PRELID2: variants seen among roughly 807,000 people sequenced by gnomAD.
PRELID2 encodes the protein PRELI domain-containing protein 2.
PRELID2 carries 25 observed loss-of-function variants against 28.4 expected under a neutral mutation model. The observed-to-expected ratio is 0.88, with a 90% CI of 0.64 to 1.23. The LOEUF (loss-of-function observed/expected upper bound fraction) is 1.23, where lower values mean the gene tolerates loss of function less well. PRELID2 is among the 50% of genes most tolerant of loss of function. PRELID2 has a pLI of 0.00. For synonymous variants in PRELID2, 76 were observed against 71.6 expected (o/e 1.06, Z -0.31); for missense variants, 201 against 214.4 (o/e 0.94, Z 0.39).
At chr5:145,410,521 GA>G in the PRELID2 span, among the ~76,000 whole-genome samples, 1 of 152,140 alleles carries the variant, frequency 6.6e-6, no homozygotes, top group Admixed American at 6.5e-5. Flanking sequence ...GAGACCTCAG[GA>G]AACTTACAAT....
chr5:145,751,688 G>T (rs1757127392), downstream of PRELID2, among the ~76,000 whole-genome samples: 2 of 152,152 alleles, frequency 1.3e-5, no homozygotes, highest in Non-Finnish European at 2.9e-5. Context: ...TGCTCCAAAA[G>T]AAGAGTTTTT....
chr5:145,439,844 C>T, the PRELID2 span, among the ~76,000 whole-genome samples: 58,587 of 151,876 alleles, frequency 0.39, 11,633 homozygotes, highest in Non-Finnish European at 0.43. Flanking sequence ...TACATTTTAT[C>T]AAGGAGCACA....
At chr5:145,833,227 A>AAC (rs989563877) in intron 1 of PRELID2, among the ~76,000 whole-genome samples, 4 of 152,162 alleles carry the variant, frequency 2.6e-5, no homozygotes, top group Admixed American at 6.5e-5. Flanking sequence ...CACCTTTAAA[A>AAC]ACCTTAGAGT....
chr5:145,560,974 C>T (rs1016288209), intron 1 of PRELID2, among the ~76,000 whole-genome samples: 1 of 151,848 alleles, frequency 6.6e-6, no homozygotes, highest in Non-Finnish European at 1.5e-5. Flanking sequence ...CGTTGAACCA[C>T]TCATTTGGGA....
At chr5:145,719,923 A>G (rs939222220) in intron 1 of PRELID2, among the ~76,000 whole-genome samples, 2 of 151,984 alleles carry the variant, frequency 1.3e-5, no homozygotes, top group African/African-American at 4.8e-5. Context: ...AAACAGAAAG[A>G]AATTAAGTAA....
chr5:145,440,580 G>T, the PRELID2 span, among the ~76,000 whole-genome samples: 14 of 152,042 alleles, frequency 9.2e-5, no homozygotes, highest in Non-Finnish European at 5.9e-5. Flanking sequence ...GGAAAATGTT[G>T]TTTTCAGACC....
At chr5:145,651,168 G>A (rs1459418023) in intron 1 of PRELID2, among the ~76,000 whole-genome samples, 2 of 152,198 alleles carry the variant, frequency 1.3e-5, no homozygotes, top group Non-Finnish European at 2.9e-5. Context: ...TACTAGCACA[G>A]CAGTCTGAGA....
At chr5:145,722,603 A>T (rs1756021637) in intron 1 of PRELID2, among the ~76,000 whole-genome samples, 1 of 152,052 alleles carries the variant, frequency 6.6e-6, no homozygotes, top group African/African-American at 2.4e-5. Context: ...GGTTCAAGCG[A>T]TTCTCCTGCC....
intron 1 of PRELID2, among the ~76,000 whole-genome samples, chr5:145,711,929 C>G (rs935125205): frequency 6.6e-6 from 1 of 152,168 alleles, no homozygotes; most frequent in East Asian, 1.9e-4. Context: ...AGTGAGCTCT[C>G]CAGTGGTTCA....
chr5:145,508,032 T>C (rs536018158), intron 1 of PRELID2, among the ~76,000 whole-genome samples: 12 of 152,316 alleles, frequency 7.9e-5, no homozygotes, highest in Admixed American at 1.3e-4. Flanking sequence ...TTTGCATTAG[T>C]ATTGTCCTCC....
At chr5:145,639,827 G>A (rs559027172) in intron 1 of PRELID2, among the ~76,000 whole-genome samples, 15 of 152,152 alleles carry the variant, frequency 9.9e-5, no homozygotes, top group East Asian at 3.9e-4. Context: ...AATTCATATC[G>A]AAAAACAAAA....
At chr5:145,278,739 G>T in the PRELID2 span, among the ~76,000 whole-genome samples, 2 of 152,160 alleles carry the variant, frequency 1.3e-5, no homozygotes, top group South Asian at 2.1e-4. Flanking sequence ...GGAGGTAAGG[G>T]TCATGGAGGT....
At chr5:145,604,881 CCATA>C (rs1335775540) in intron 1 of PRELID2, among the ~76,000 whole-genome samples, 5 of 85,688 alleles carry the variant, frequency 5.8e-5, no homozygotes, top group African/African-American at 2.3e-4. Flanking sequence ...TGCTTGTTGG[CCATA>C]TATATATATA....
the PRELID2 span, among the ~76,000 whole-genome samples, chr5:145,442,108 T>C: frequency 7.2e-5 from 11 of 152,192 alleles, no homozygotes; most frequent in Admixed American, 6.5e-4. Context: ...ACCTACTATA[T>C]CCCAAAGACT....
chr5:145,761,589 A>T (rs1239457957), intron 6 of PRELID2, among the ~76,000 whole-genome samples: 1 of 152,234 alleles, frequency 6.6e-6, no homozygotes, highest in African/African-American at 2.4e-5. Flanking sequence ...ACACTCAATC[A>T]GTAGGCAAAA....
At chr5:145,423,359 A>C in the PRELID2 span, among the ~76,000 whole-genome samples, 10 of 151,806 alleles carry the variant, frequency 6.6e-5, no homozygotes. Context: ...TCTCCCCATC[A>C]CTTTCAGGTA....
chr5:145,296,367 G>A, the PRELID2 span, among the ~76,000 whole-genome samples: 28 of 112,272 alleles, frequency 2.5e-4, no homozygotes, highest in African/African-American at 9.4e-4. Flanking sequence ...ACAGTCCCCA[G>A]AGTGTGATGT....
the PRELID2 span, among the ~76,000 whole-genome samples, chr5:145,345,612 C>T: frequency 2.0e-5 from 3 of 152,078 alleles, no homozygotes; most frequent in Non-Finnish European, 4.4e-5. Flanking sequence ...TGCTTACTTC[C>T]AAGCTAATAA....
the PRELID2 span, among the ~76,000 whole-genome samples, chr5:145,320,810 A>G: frequency 2.0e-5 from 3 of 152,182 alleles, no homozygotes; most frequent in Non-Finnish European, 4.4e-5. Context: ...TTTTAAGACT[A>G]TATTTATGTG....
Sources: allele counts gnomAD v4.1 joint callset (sites outside exome capture counted in the v4.1 genomes callset), GRCh38; gene constraint gnomAD v4.1.1; transcripts MANE v1.5; gene names NCBI Gene and HGNC (gene_info 2026-07-23, HGNC 2026-07-21).